Variants in ZMYM4 observed in about 807,000 individuals in gnomAD.
The protein encoded by ZMYM4 is zinc finger MYM-type protein 4.
A neutral mutation model predicts 183.2 loss-of-function variants in ZMYM4; 31 were observed. The ratio of observed to expected loss-of-function variants is 0.17; its 90% CI spans 0.13 to 0.23. The LOEUF is 0.23. Ranked by LOEUF, ZMYM4 falls within the 10% of genes least tolerant of loss-of-function variation. ZMYM4 has a pLI of 1.00. For synonymous variants in ZMYM4, 592 were observed against 631.2 expected, an observed-to-expected ratio of 0.94 and a Z score of 0.93; for missense variants, 1,273 against 1,840.3, an observed-to-expected ratio of 0.69 and a Z score of 5.64.
At position 35,419,865 on chromosome 1, in the gene ZMYM4, A is replaced by C; in HGVS notation, c.*188A>C. On this transcript the variant is annotated 3_prime_UTR_variant, in exon 30 of 30. Coordinates refer to ENST00000314607, the MANE Select transcript of ZMYM4 (RefSeq NM_005095.3). ...AAATTGAAGGAAAGAATATGAACTG[A>C]GAAATGTTCTTTGGCAGTGATATAG... 1.6e-6 allele frequency: 1 copy of C among 610,182 alleles called. No individual in the cohort carries two copies. Among genetic ancestry groups the C allele is most frequent in the Non-Finnish European group, 2.9e-6 (1 of 350,082 alleles). The allele number at this position is 610,182 out of a possible 1,614,324, so 37.8% of individuals were successfully genotyped here. A position where few individuals can be genotyped will look rare whatever the true frequency, so the allele number is the denominator to read the frequency against.
intron 1 of ZMYM4, among the ~76,000 whole-genome samples, chr1:35,321,292 T>C (rs1051468451): frequency 1.3e-5 from 2 of 152,162 alleles, no homozygotes. Context: ...TGTGAGATTA[T>C]GGTACCATAG....
chr1:35,382,224 G>A lies in ZMYM4; in HGVS notation c.1569+466G>A, dbSNP rs180921247. 3.7e-4 allele frequency among the ~76,000 whole-genome samples: 54 copies of A among 144,694 alleles called. No individual in the cohort carries two copies. In the East Asian group the frequency reaches 8.1e-3, roughly 22 times the overall value. The allele number at this position is 144,694 out of a possible 152,430, so 94.9% of individuals were successfully genotyped here. On this transcript the variant is annotated intron_variant, in intron 9 of 29. Transcript: ENST00000314607. ...CACACACACACACACGTATATATACGTATATATGTATGTATATGTATATAT... is the reference window on the plus strand; with the variant it reads ...CACACACACACACACGTATATATACATATATATGTATGTATATGTATATAT...
At position 35,398,903 on chromosome 1, in the gene ZMYM4, C is replaced by G; in HGVS notation, c.3293C>G (p.Ala1098Gly). 2 of 1,614,100 alleles carry G rather than the reference C, an allele frequency of 1.2e-6. No homozygotes were observed. The highest frequency in any genetic ancestry group is 1.7e-6 in the Non-Finnish European group (2 of 1,179,976). Residue 1098 changes from alanine (A) to glycine (G), a missense_variant, in exon 22 of 30, where the codon GCA (alanine) becomes GGA (glycine). By Grantham distance (60) the Ala-to-Gly change is moderately conservative (BLOSUM62 0). Coordinates refer to ENST00000314607, the MANE Select transcript of ZMYM4 (RefSeq NM_005095.3). ...STYSGDLESE[A>G]VSTPHSWEEE... Reference sequence around the variant, plus strand: ...TACAGTGGTGATCTTGAATCAGAGGCAGTATCTACTCCACATAGCTGGGAG... The same window carrying G: ...TACAGTGGTGATCTTGAATCAGAGGGAGTATCTACTCCACATAGCTGGGAG...
chr1:35,351,420 A>C, intron 2 of ZMYM4: 1 of 1,570,882 alleles, frequency 6.4e-7, no homozygotes, highest in Non-Finnish European at 8.7e-7. Context: ...AACTCCAGAC[A>C]TGATGGAGGA....
chr1:35,352,383 AGC>A (rs570675693), intron 2 of ZMYM4, among the ~76,000 whole-genome samples: 1 of 104,646 alleles, frequency 9.6e-6, no homozygotes, highest in African/African-American at 5.4e-5. Context: ...TTTAAAAATT[AGC>A]GCACACACAC....
chr1:35,347,662 TTTA>T (rs1218087621), intron 2 of ZMYM4, among the ~76,000 whole-genome samples: 4 of 152,142 alleles, frequency 2.6e-5, no homozygotes, highest in Non-Finnish European at 4.4e-5. Flanking sequence ...AGATTTTTGT[TTTA>T]TAAGTAACAG....
intron 1 of ZMYM4, among the ~76,000 whole-genome samples, chr1:35,276,320 C>CT (rs1287165991): frequency 7.1e-6 from 1 of 141,218 alleles, no homozygotes; most frequent in African/African-American, 2.7e-5. Flanking sequence ...TCCTTCCTTC[C>CT]TTTTTTTCCA....
chr1:35,367,798 A>T (rs924285374), intron 5 of ZMYM4, among the ~76,000 whole-genome samples: 86 of 152,066 alleles, frequency 5.7e-4, no homozygotes, highest in African/African-American at 2.0e-3. Context: ...CAACATGTTG[A>T]AACCCCATCT....
chr1:35,362,352 A>G (rs1643957760), intron 5 of ZMYM4, among the ~76,000 whole-genome samples: 1 of 152,212 alleles, frequency 6.6e-6, no homozygotes, highest in Non-Finnish European at 1.5e-5. Flanking sequence ...TGCTATTTCA[A>G]GGTTGCTCTG....
intron 2 of ZMYM4, among the ~76,000 whole-genome samples, chr1:35,328,862 T>C (rs536886034): frequency 6.6e-6 from 1 of 152,248 alleles, no homozygotes; most frequent in East Asian, 1.9e-4. Flanking sequence ...CCCTCCCATT[T>C]TGTCTTGGGA....
chr1:35,357,990 A>G (rs561534433), intron 2 of ZMYM4, among the ~76,000 whole-genome samples: 1 of 152,346 alleles, frequency 6.6e-6, no homozygotes, highest in East Asian at 1.9e-4. Context: ...AGAGTACCAA[A>G]GAATCCAAAG....
intron 7 of ZMYM4, among the ~76,000 whole-genome samples, chr1:35,377,249 G>A (rs1644355368): frequency 6.6e-6 from 1 of 152,106 alleles, no homozygotes; most frequent in African/African-American, 2.4e-5. Flanking sequence ...GTTAATGTCT[G>A]GCTCAATGTA....
At chr1:35,390,185 TTG>T in intron 15 of ZMYM4, 87 bp downstream of exon 15, 4 of 1,368,490 alleles carry the variant, frequency 2.9e-6, no homozygotes, top group Non-Finnish European at 3.9e-6. Context: ...GTGTAAACAG[TTG>T]TCATTAATTT....
rs975828705 is a variant in ZMYM4 at position 35,295,206 on chromosome 1, A to C, written c.39+26121A>C. 2.0e-5 allele frequency among the ~76,000 whole-genome samples: 3 copies of C among 152,232 alleles called. 1 individual carries two copies. The highest frequency in any genetic ancestry group is 4.4e-5 in the Non-Finnish European group (3 of 68,048). ...AAGATAAAGCAGACAATAGAGATACAGTGTACTTCGGTGGAGAGGGTATTG... is the reference window on the plus strand; with the variant it reads ...AAGATAAAGCAGACAATAGAGATACCGTGTACTTCGGTGGAGAGGGTATTG... On this transcript the variant is annotated intron_variant, in intron 1 of 29. Coordinates refer to ENST00000314607, the MANE Select transcript of ZMYM4 (RefSeq NM_005095.3).
chr1:35,336,558 G>A (rs1642984310), intron 2 of ZMYM4, among the ~76,000 whole-genome samples: 1 of 151,632 alleles, frequency 6.6e-6, no homozygotes, highest in South Asian at 2.1e-4. Flanking sequence ...GGCTAATTTT[G>A]TATTTTGGGT....
intron 15 of ZMYM4, 84 bp from the exon 16 acceptor site, chr1:35,392,128 C>A: frequency 6.4e-7 from 1 of 1,566,808 alleles, no homozygotes; most frequent in Non-Finnish European, 8.7e-7. Flanking sequence ...AACCTGAAAA[C>A]ATTGTTTAAC....
chr1:35,368,296 A>G (rs1644136397), intron 5 of ZMYM4, among the ~76,000 whole-genome samples: 1 of 152,150 alleles, frequency 6.6e-6, no homozygotes, highest in Non-Finnish European at 1.5e-5. Flanking sequence ...GTATTATTAT[A>G]AAAATGAAAC....
chr1:35,418,590 T>A lies in ZMYM4; in HGVS notation c.4439+18T>A. The A allele has an allele frequency of 1.2e-6, 2 of 1,613,416 alleles. No individual in the cohort carries two copies. The highest frequency in any genetic ancestry group is 1.7e-6 in the Non-Finnish European group (2 of 1,179,742). On this transcript the variant is annotated intron_variant, in intron 29 of 29. Coordinates refer to ENST00000314607, the MANE Select transcript of ZMYM4 (RefSeq NM_005095.3). ...TCAAAATGGTAATCTTTCTCTGAAC[T>A]GAATGTAGTGCACTCAGAAGGCAGT...
intron 1 of ZMYM4, among the ~76,000 whole-genome samples, chr1:35,279,108 T>C (rs554333952): frequency 1.8e-4 from 27 of 152,324 alleles, no homozygotes; most frequent in African/African-American, 5.5e-4. Context: ...GGTGTGGGCC[T>C]GTTTCTCCCC....
Sources: gnomAD v4.1 joint callset for allele counts (sites outside exome capture counted in the v4.1 genomes callset) on GRCh38, gnomAD v4.1.1 for gene constraint, MANE v1.5 for transcripts, NCBI Gene and HGNC (gene_info 2026-07-23, HGNC 2026-07-21) for gene names.